Variants in CNTNAP2 observed in about 807,000 individuals in gnomAD.
CNTNAP2 encodes the protein contactin-associated protein-like 2.
CNTNAP2 carries 98 observed loss-of-function variants against 155.2 expected under a neutral mutation model. The observed-to-expected ratio is 0.63, with a 90% CI of 0.54 to 0.75. The LOEUF (loss-of-function observed/expected upper bound fraction) is 0.75, where lower values mean the gene tolerates loss of function less well. Among genes scored for constraint, CNTNAP2 ranks in the 30% least tolerant of loss-of-function variants. The pLI is 0.00. For missense variants in CNTNAP2, 1,727 were observed against 1,688.1 expected (o/e 1.02, Z -0.40); for synonymous variants, 651 against 631.2 (o/e 1.03, Z -0.47).
intron 13 of CNTNAP2, among the ~76,000 whole-genome samples, chr7:147,690,390 C>G (rs1796070402): frequency 6.6e-6 from 1 of 152,098 alleles, no homozygotes; most frequent in African/African-American, 2.4e-5. Context: ...TAGCTTTCCT[C>G]TGAGATTTTT....
In CNTNAP2 at chr7:148,112,757, C is replaced by G. The variant is rs562254779; in HGVS notation, c.2384-5361C>G. ...TTTGGGGAGAATATAGAGAAAGGGG[C>G]TGGGGAAGCAGGCTTATAAAAGTGC... On this transcript the variant is annotated intron_variant, in intron 15 of 23. Transcript: ENST00000361727. Among the ~76,000 whole-genome samples the G allele has an allele frequency of 5.3e-5, 8 of 152,012 alleles. No individual in the cohort carries two copies. In the South Asian group the frequency reaches 1.7e-3, roughly 32 times the overall value.
At chr7:146,907,079 A>T (rs1345192082) in intron 3 of CNTNAP2, among the ~76,000 whole-genome samples, 2 of 151,698 alleles carry the variant, frequency 1.3e-5, no homozygotes, top group East Asian at 3.9e-4. Flanking sequence ...GAATGAAATG[A>T]AGCGAGAAGG....
intron 1 of CNTNAP2, among the ~76,000 whole-genome samples, chr7:146,294,139 C>T (rs1427412139): frequency 6.6e-6 from 1 of 152,206 alleles, no homozygotes; most frequent in Non-Finnish European, 1.5e-5. Context: ...TCGACAGAAT[C>T]ACAAAGTGGA....
At chr7:147,496,026 T>A (rs546910415) in intron 11 of CNTNAP2, among the ~76,000 whole-genome samples, 3 of 152,174 alleles carry the variant, frequency 2.0e-5, no homozygotes, top group Non-Finnish European at 4.4e-5. Context: ...CTTATGAGAA[T>A]CTAATGCCTG....
intron 11 of CNTNAP2, among the ~76,000 whole-genome samples, chr7:147,502,662 G>T (rs1415433914): frequency 6.6e-6 from 1 of 151,378 alleles, no homozygotes; most frequent in Non-Finnish European, 1.5e-5. Flanking sequence ...ACACAAAAAA[G>T]AATATCTGAG....
intron 8 of CNTNAP2, among the ~76,000 whole-genome samples, chr7:147,276,452 C>A (rs1804898524): frequency 6.6e-6 from 1 of 152,040 alleles, no homozygotes; most frequent in Non-Finnish European, 1.5e-5. Context: ...TAAATAGTTT[C>A]TCTTTATTCC....
At chr7:148,314,284 T>C (rs1797647025) in intron 21 of CNTNAP2, among the ~76,000 whole-genome samples, 1 of 152,040 alleles carries the variant, frequency 6.6e-6, no homozygotes, top group Non-Finnish European at 1.5e-5. Flanking sequence ...TGTAAAAGAG[T>C]GCCTGGATGT....
chr7:146,124,140 C>T (rs1797602325), intron 1 of CNTNAP2, among the ~76,000 whole-genome samples: 1 of 152,040 alleles, frequency 6.6e-6, no homozygotes, highest in African/African-American at 2.4e-5. Context: ...GGAGAAATAC[C>T]TAATGTAGAT....
At chr7:148,083,740 G>A (rs1308372587) in intron 15 of CNTNAP2, among the ~76,000 whole-genome samples, 9 of 152,130 alleles carry the variant, frequency 5.9e-5, no homozygotes, top group South Asian at 2.1e-4. Context: ...CTCTGGGGAC[G>A]CAGGAGTCTT....
In CNTNAP2 at chr7:148,232,417, A is replaced by C. The variant is rs1795980498; in HGVS notation, c.3381+2638A>C. The stretch of plus-strand genomic sequence containing the variant: ...TCAACTGTGTGTGGAAAGAGATATA[A>C]TAAAATGTTCACAGTGATCATCTGT... On this transcript the variant is annotated intron_variant, in intron 20 of 23. Coordinates refer to ENST00000361727, the MANE Select transcript of CNTNAP2 (RefSeq NM_014141.6). Among the ~76,000 whole-genome samples, 3 of 152,228 alleles carry C rather than the reference A, an allele frequency of 2.0e-5. No homozygotes were observed. The South Asian group carries it at 6.2e-4, about 31-fold the overall frequency.
chr7:146,723,078 G>T lies in CNTNAP2; in HGVS notation c.98-51193G>T, dbSNP rs968791430. Among the ~76,000 whole-genome samples, 6 of 152,238 alleles carry T rather than the reference G, an allele frequency of 3.9e-5. 1 individual carries two copies. Among genetic ancestry groups the T allele is most frequent in the Non-Finnish European group, 1.5e-5 (1 of 68,028 alleles). ...AAACCCTACTCCCTGTGAATGTAAG[G>T]TTATTTGCAGATAGGGTCCTAGCAG... On this transcript the variant is annotated intron_variant, in intron 1 of 23. Coordinates refer to ENST00000361727, the MANE Select transcript of CNTNAP2 (RefSeq NM_014141.6).
intron 1 of CNTNAP2, among the ~76,000 whole-genome samples, chr7:146,418,747 T>C (rs1795970935): frequency 6.6e-6 from 1 of 152,134 alleles, no homozygotes. Context: ...TTGAATTGTG[T>C]CCTCCTGAAA....
chr7:146,276,130 T>A (rs1345794879), intron 1 of CNTNAP2, among the ~76,000 whole-genome samples: 1 of 152,192 alleles, frequency 6.6e-6, no homozygotes, highest in Non-Finnish European at 1.5e-5. Context: ...TAATTTGCAA[T>A]GATAGCTAGA....
At chr7:147,648,658 G>C (rs945458859) in intron 13 of CNTNAP2, among the ~76,000 whole-genome samples, 2 of 152,138 alleles carry the variant, frequency 1.3e-5, no homozygotes, top group Admixed American at 1.3e-4. Context: ...ATCAGATCTT[G>C]TGAGACTTAT....
intron 10 of CNTNAP2, among the ~76,000 whole-genome samples, chr7:147,420,638 C>T (rs984865861): frequency 2.0e-5 from 3 of 152,100 alleles, no homozygotes; most frequent in Admixed American, 2.0e-4. Context: ...TTGAAAGTTA[C>T]TCCCTCAAAA....
rs369329223 is a variant in CNTNAP2, at chr7:146,384,709, TA to T, written c.97+267745del. On this transcript the variant is annotated intron_variant, in intron 1 of 23. Coordinates refer to ENST00000361727, the MANE Select transcript of CNTNAP2 (RefSeq NM_014141.6). ...ACAAGAGACAGCCAAGACTAATGGT[TA>T]AAAAAAAATGTACATACACACATAC... is the stretch of plus-strand genomic sequence containing the variant. Among the ~76,000 whole-genome samples, 462 of 151,440 alleles carry T rather than the reference TA, an allele frequency of 3.1e-3. 1 individual carries two copies. Among genetic ancestry groups the T allele is most frequent in the Admixed American group, 7.9e-3 (120 of 15,208 alleles).
intron 3 of CNTNAP2, among the ~76,000 whole-genome samples, chr7:146,962,654 G>A (rs568925194): frequency 2.0e-5 from 3 of 152,242 alleles, no homozygotes; most frequent in African/African-American, 4.8e-5. Flanking sequence ...GGGTTCAAGC[G>A]ATTCTCCTTC....
rs191670353 is a variant in CNTNAP2 at position 147,621,759 on chromosome 7, G to A, written c.1898-17347G>A. ...CAACCAGAAAACAAATAACAACATG[G>A]CAAGAGTAACTTCTTACTTATCAAT... On this transcript the variant is annotated intron_variant, in intron 12 of 23. Coordinates refer to ENST00000361727, the MANE Select transcript of CNTNAP2 (RefSeq NM_014141.6). Among the ~76,000 whole-genome samples the A allele has an allele frequency of 1.9e-4, 29 of 151,892 alleles. 1 individual carries two copies. The East Asian group carries it at 3.5e-3, about 18-fold the overall frequency.
At chr7:147,790,588 T>C (rs1461729260) in intron 13 of CNTNAP2, among the ~76,000 whole-genome samples, 1 of 152,260 alleles carries the variant, frequency 6.6e-6, no homozygotes, top group African/African-American at 2.4e-5. Flanking sequence ...TTATAATTAA[T>C]GTTACTTTTA....
Sources: gnomAD v4.1 joint callset for allele counts (sites outside exome capture counted in the v4.1 genomes callset) on GRCh38, gnomAD v4.1.1 for gene constraint, MANE v1.5 for transcripts, NCBI Gene and HGNC (gene_info 2026-07-23, HGNC 2026-07-21) for gene names.